The following SLC1A2 variants were observed in gnomAD, a reference collection of about 807,000 sequenced individuals.
SLC1A2 encodes the protein solute carrier family 1 member 2.
A neutral mutation model predicts 48.8 loss-of-function variants in SLC1A2; 15 were observed. The observed-to-expected ratio is 0.31, with a 90% CI of 0.21 to 0.47. SLC1A2 has a LOEUF of 0.47. SLC1A2 is among the 20% of genes least tolerant of loss of function. The pLI is 0.99. For synonymous variants in SLC1A2, 279 were observed against 272.6 expected, an observed-to-expected ratio of 1.02 and a Z score of -0.23; for missense variants, 502 against 730.5, an observed-to-expected ratio of 0.69 and a Z score of 3.61.
At chr11:35,327,851 G>T (rs186381766) in intron 1 of SLC1A2, among the ~76,000 whole-genome samples, 4 of 152,266 alleles carry the variant, frequency 2.6e-5, no homozygotes, top group Admixed American at 2.6e-4. Context: ...CCTGTGCTGT[G>T]GTTCTGCAGC....
intron 10 of SLC1A2, among the ~76,000 whole-genome samples, chr11:35,263,300 T>C (rs1950424961): frequency 6.6e-6 from 1 of 152,062 alleles, no homozygotes; most frequent in African/African-American, 2.4e-5. Flanking sequence ...ACCCCATCTC[T>C]ACTAAAAATA....
chr11:35,263,732 T>C (rs766827978), intron 10 of SLC1A2, among the ~76,000 whole-genome samples: 4 of 152,230 alleles, frequency 2.6e-5, no homozygotes, highest in Non-Finnish European at 5.9e-5. Flanking sequence ...ATGGCAATAA[T>C]TTGAGTTCAA....
intron 1 of SLC1A2, chr11:35,374,582 A>G (rs571374272): frequency 2.2e-4 from 38 of 172,498 alleles, no homozygotes; most frequent in African/African-American, 8.3e-4. Flanking sequence ...ATGAGCTAAA[A>G]AGAAAAAGGG....
Position 35,345,974 on chromosome 11 carries a change from G to A in SLC1A2, c.18-28458C>T, listed in dbSNP as rs566361392. Reference sequence around the variant, plus strand: ...CCCATTTTGCAGGTGAGAACACCAAGTCACAGAGAAATTAAGTAACTTGCT... The same window carrying A: ...CCCATTTTGCAGGTGAGAACACCAAATCACAGAGAAATTAAGTAACTTGCT... On this transcript the variant is annotated intron_variant, in intron 1 of 10. Transcript: ENST00000278379. 1.4e-3 allele frequency among the ~76,000 whole-genome samples: 210 copies of A among 152,192 alleles called. 2 individuals are homozygous for A. In the Middle Eastern group the frequency reaches 0.024, roughly 17 times the overall value.
intron 1 of SLC1A2, among the ~76,000 whole-genome samples, chr11:35,397,155 C>G (rs1854989701): frequency 6.7e-6 from 1 of 149,656 alleles, no homozygotes; most frequent in Non-Finnish European, 1.5e-5. Flanking sequence ...CAATGACTTT[C>G]TTCACAGAAT....
intron 1 of SLC1A2, among the ~76,000 whole-genome samples, chr11:35,343,897 T>G (rs3858470): frequency 6.6e-6 from 1 of 151,826 alleles, no homozygotes; most frequent in Non-Finnish European, 1.5e-5. Context: ...AATAATGATG[T>G]ACAAGCATTG....
At chr11:35,337,797 C>G (rs903825350) in intron 1 of SLC1A2, among the ~76,000 whole-genome samples, 10 of 152,156 alleles carry the variant, frequency 6.6e-5, no homozygotes, top group Non-Finnish European at 1.2e-4. Flanking sequence ...ATGCCTCTCC[C>G]CTGCCTTCCA....
At chr11:35,316,734 A>AT (rs1423956777) in intron 2 of SLC1A2, 1 of 152,270 alleles carries the variant, frequency 6.6e-6, no homozygotes, top group African/African-American at 2.4e-5. Flanking sequence ...ATATTGCCCC[A>AT]TTTTCAATAA....
intron 1 of SLC1A2, among the ~76,000 whole-genome samples, chr11:35,389,598 G>A (rs1854698463): frequency 6.6e-6 from 1 of 151,962 alleles, no homozygotes; most frequent in Non-Finnish European, 1.5e-5. Context: ...AGCCTCCGGA[G>A]TAGCTGGGAT....
intron 8 of SLC1A2, among the ~76,000 whole-genome samples, chr11:35,284,087 T>TTTTATATATATATATATATATA (rs1554993896): frequency 6.0e-5 from 7 of 115,860 alleles, no homozygotes; most frequent in African/African-American, 1.3e-4. Flanking sequence ...GAAGATTTTA[T>TTTTATATATATATATATATATA]TATATATATA....
chr11:35,281,192 G>A (rs527259846), intron 8 of SLC1A2, among the ~76,000 whole-genome samples, 191 bp from the exon 9 acceptor site: 1 of 152,250 alleles, frequency 6.6e-6, no homozygotes, highest in South Asian at 2.1e-4. Context: ...GCCTATTTGG[G>A]TACTGCTCAA....
chr11:35,356,997 G>A lies in SLC1A2; in HGVS notation c.18-39481C>T, dbSNP rs556425813. On this transcript the variant is annotated intron_variant, in intron 1 of 10. Transcript: ENST00000278379. The stretch of plus-strand genomic sequence containing the variant: ...TGGCTCACGCCTGTAATCCCAGCAC[G>A]CTGGGAGGTCGAGGCGGGCAGATCA... 7.2e-5 allele frequency among the ~76,000 whole-genome samples: 11 copies of A among 152,134 alleles called. No individual in the cohort carries two copies. In the South Asian group the frequency reaches 1.0e-3, roughly 14 times the overall value.
At chr11:35,338,270 C>T (rs1852706735) in intron 1 of SLC1A2, among the ~76,000 whole-genome samples, 2 of 152,174 alleles carry the variant, frequency 1.3e-5, no homozygotes, top group Non-Finnish European at 2.9e-5. Flanking sequence ...ACAGAAAACA[C>T]TTGTTGACCC....
chr11:35,264,158 T>C (rs781321505), intron 10 of SLC1A2: 2 of 152,188 alleles, frequency 1.3e-5, no homozygotes, highest in African/African-American at 4.8e-5. Flanking sequence ...CTAATTTGTT[T>C]CAGAGTCCTT....
intron 6 of SLC1A2, chr11:35,299,246 GA>G (rs1445858201): frequency 1.3e-5 from 2 of 152,252 alleles, no homozygotes; most frequent in Non-Finnish European, 2.9e-5. Context: ...GGCTGAGGCA[GA>G]AAAATCACTT....
intron 1 of SLC1A2, among the ~76,000 whole-genome samples, chr11:35,334,676 T>A (rs1226310078): frequency 6.6e-6 from 1 of 152,186 alleles, no homozygotes; most frequent in Non-Finnish European, 1.5e-5. Context: ...ATTAGAACTC[T>A]CTAGAGCAAT....
At chr11:35,265,966 G>A (rs374014974) in intron 9 of SLC1A2, among the ~76,000 whole-genome samples, 14 of 152,192 alleles carry the variant, frequency 9.2e-5, no homozygotes, top group African/African-American at 1.4e-4. Flanking sequence ...CTCATAGGCC[G>A]TGTGAAAATT....
chr11:35,322,879 C>G (rs1489472095), intron 1 of SLC1A2: 16 of 634,166 alleles, frequency 2.5e-5, no homozygotes, highest in Non-Finnish European at 4.2e-5. Context: ...TTTAAAAGGG[C>G]CTGAAACTCT....
At chr11:35,343,307 C>A (rs1852909791) in intron 1 of SLC1A2, among the ~76,000 whole-genome samples, 1 of 152,254 alleles carries the variant, frequency 6.6e-6, no homozygotes, top group African/African-American at 2.4e-5. Flanking sequence ...CCTAGGACCT[C>A]ATTATACACT....
Sources: allele counts gnomAD v4.1 joint callset (sites outside exome capture counted in the v4.1 genomes callset), GRCh38; gene constraint gnomAD v4.1.1; transcripts MANE v1.5; gene names NCBI Gene and HGNC (gene_info 2026-07-23, HGNC 2026-07-21).